MAP6: variants seen among roughly 807,000 people sequenced by gnomAD.
The protein encoded by MAP6 is microtubule-associated protein 6.
Under a neutral mutation model 42.4 loss-of-function variants are expected in MAP6, and 26 were observed. That is an observed-to-expected ratio of 0.61 (90% CI 0.45 to 0.85). MAP6 has a LOEUF of 0.85. Ranked by LOEUF, MAP6 falls within the 40% of genes least tolerant of loss-of-function variation. The probability of loss-of-function intolerance (pLI) is 0.00; values close to 1 mark genes in which losing one functional copy is unlikely to be tolerated. For missense variants in MAP6, 966 were observed against 1,099.0 expected, an observed-to-expected ratio of 0.88 and a Z score of 1.71; for synonymous variants, 418 against 443.8, an observed-to-expected ratio of 0.94 and a Z score of 0.73.
intron 1 of MAP6, among the ~76,000 whole-genome samples, chr11:75,647,347 C>CAAAAAAAAAAA: frequency 2.3e-5 from 1 of 44,186 alleles, no homozygotes; most frequent in Non-Finnish European, 4.3e-5. Flanking sequence ...CCCACCTGAT[C>CAAAAAAAAAAA]AAAAAAAAAA....
intron 1 of MAP6, among the ~76,000 whole-genome samples, chr11:75,618,355 C>T (rs1191238147): frequency 6.6e-6 from 1 of 151,984 alleles, no homozygotes; most frequent in Non-Finnish European, 1.5e-5. Context: ...GCCTGTAATC[C>T]CAGCACTTTG....
chr11:75,595,673 A>C (rs1192556054), intron 3 of MAP6, among the ~76,000 whole-genome samples: 1 of 152,196 alleles, frequency 6.6e-6, no homozygotes, highest in African/African-American at 2.4e-5. Context: ...TTCCTCAGTG[A>C]AAAAACCTCT....
chr11:75,605,286 G>A (rs574577679), intron 3 of MAP6: 2 of 986,240 alleles, frequency 2.0e-6, no homozygotes, highest in East Asian at 2.3e-4. Context: ...TAAGGCCAAG[G>A]TTGTTTCTTT....
intron 3 of MAP6, among the ~76,000 whole-genome samples, chr11:75,589,499 C>A (rs748629434): frequency 3.3e-5 from 5 of 152,200 alleles, no homozygotes; most frequent in Admixed American, 2.0e-4. Flanking sequence ...AGCAACAGAG[C>A]AGCCCTGTGA....
chr11:75,620,562 C>T lies in MAP6; in HGVS notation c.906-12240G>A, dbSNP rs561967795. Among the ~76,000 whole-genome samples, 12 of 151,486 alleles carry T rather than the reference C, an allele frequency of 7.9e-5. No individual in the cohort carries two copies. The South Asian group carries it at 2.3e-3, about 29-fold the overall frequency. On this transcript the variant is annotated intron_variant, in intron 1 of 3. Transcript: ENST00000304771. ...TTCTCAACTCATTTTAAGAGGACAG[C>T]ATTTCCCTGATGCCCTGATACCAAG... is the stretch of plus-strand genomic sequence containing the variant.
At chr11:75,648,673 T>C (rs1365605518) in intron 1 of MAP6, among the ~76,000 whole-genome samples, 1 of 152,104 alleles carries the variant, frequency 6.6e-6, no homozygotes, top group Non-Finnish European at 1.5e-5. Flanking sequence ...CGAAAGATAC[T>C]ATAAACAAAG....
intron 1 of MAP6, among the ~76,000 whole-genome samples, chr11:75,645,252 G>T (rs1260341734): frequency 6.6e-6 from 1 of 151,952 alleles, no homozygotes; most frequent in East Asian, 1.9e-4. Flanking sequence ...TGAAACTCAT[G>T]CATGAAGCAG....
intron 3 of MAP6, among the ~76,000 whole-genome samples, chr11:75,596,905 T>A (rs1471561870): frequency 6.6e-6 from 1 of 152,222 alleles, no homozygotes; most frequent in Admixed American, 6.5e-5. Flanking sequence ...AGGAGGAGGC[T>A]GCTGTTTCAG....
chr11:75,633,742 C>T (rs562641727), intron 1 of MAP6, among the ~76,000 whole-genome samples: 4 of 152,128 alleles, frequency 2.6e-5, no homozygotes, highest in Non-Finnish European at 5.9e-5. Flanking sequence ...TGCAAAGACC[C>T]TAAGGCCGGA....
intron 3 of MAP6, chr11:75,604,381 G>A (rs1235654367): frequency 1.0e-6 from 1 of 985,310 alleles, no homozygotes; most frequent in African/African-American, 1.7e-5. Flanking sequence ...TTTGAGGTAA[G>A]GAACTGTGAG....
intron 3 of MAP6, chr11:75,604,389 G>A (rs1370200561): frequency 4.1e-6 from 4 of 985,338 alleles, no homozygotes; most frequent in Non-Finnish European, 4.8e-6. Flanking sequence ...AAGGAACTGT[G>A]AGACCCTCAC....
intron 1 of MAP6, among the ~76,000 whole-genome samples, chr11:75,643,053 G>A (rs1204027411): frequency 6.6e-6 from 1 of 152,096 alleles, no homozygotes; most frequent in Non-Finnish European, 1.5e-5. Context: ...ATTATTGGCA[G>A]TAGAAATATA....
intron 2 of MAP6, among the ~76,000 whole-genome samples, chr11:75,606,906 A>AC (rs1942788238): frequency 6.6e-6 from 1 of 151,648 alleles, no homozygotes; most frequent in Admixed American, 6.6e-5. Context: ...TCAATAGGCC[A>AC]CCCCCCTCAT....
intron 1 of MAP6, among the ~76,000 whole-genome samples, chr11:75,620,486 A>G (rs1210509953): frequency 2.0e-4 from 30 of 150,320 alleles, no homozygotes; most frequent in African/African-American, 7.4e-4. Context: ...AAAGAGAGAA[A>G]AAAAAAAAAA....
rs369111567 is a variant in MAP6, at chr11:75,659,311, G to A, written c.905+8154C>T. 1.4e-4 allele frequency among the ~76,000 whole-genome samples: 21 copies of A among 152,224 alleles called. No individual in the cohort carries two copies. In the South Asian group the frequency reaches 1.7e-3, roughly 12 times the overall value. Reference sequence around the variant, plus strand: ...AGCCTGACCAACATGGTGAAACCCCGTCTCTACTAAAAATACAAAAATTAC... The same window carrying A: ...AGCCTGACCAACATGGTGAAACCCCATCTCTACTAAAAATACAAAAATTAC... On this transcript the variant is annotated intron_variant, in intron 1 of 3. Coordinates refer to ENST00000304771, the MANE Select transcript of MAP6 (RefSeq NM_033063.2).
intron 1 of MAP6, among the ~76,000 whole-genome samples, chr11:75,623,779 G>A (rs889011299): frequency 2.0e-5 from 3 of 152,104 alleles, no homozygotes; most frequent in Admixed American, 1.3e-4. Context: ...GCGCTATCTC[G>A]GCTCACTGCA....
rs146422841 is a variant in MAP6 at position 75,633,409 on chromosome 11, T to C, written c.906-25087A>G. Among the ~76,000 whole-genome samples, 523 of 152,328 alleles carry C rather than the reference T, an allele frequency of 3.4e-3. 11 individuals carry two copies. Among genetic ancestry groups the C allele is most frequent in the Admixed American group, 0.028 (427 of 15,296 alleles). On this transcript the variant is annotated intron_variant, in intron 1 of 3. Coordinates refer to ENST00000304771, the MANE Select transcript of MAP6 (RefSeq NM_033063.2). ...CATGCTAGTGAGAGATGCTAAAAAATTCACTCATTAATTTGTTTAACATAT... is the reference window on the plus strand; with the variant it reads ...CATGCTAGTGAGAGATGCTAAAAAACTCACTCATTAATTTGTTTAACATAT...
At chr11:75,656,971 A>C (rs1252295631) in intron 1 of MAP6, among the ~76,000 whole-genome samples, 1 of 152,138 alleles carries the variant, frequency 6.6e-6, no homozygotes, top group African/African-American at 2.4e-5. Context: ...AGAGATTACC[A>C]TTATTCCAAC....
chr11:75,658,998 C>T (rs1943798014), intron 1 of MAP6, among the ~76,000 whole-genome samples: 1 of 152,194 alleles, frequency 6.6e-6, no homozygotes, highest in African/African-American at 2.4e-5. Context: ...TGTCCAATAA[C>T]CATAAGACTC....
Sources: gnomAD v4.1 joint callset for allele counts (sites outside exome capture counted in the v4.1 genomes callset) on GRCh38, gnomAD v4.1.1 for gene constraint, MANE v1.5 for transcripts, NCBI Gene and HGNC (gene_info 2026-07-23, HGNC 2026-07-21) for gene names.